ITPRIP: variants seen among roughly 807,000 people sequenced by gnomAD.
ITPRIP encodes inositol 1,4,5-trisphosphate receptor-interacting protein.
Under a neutral mutation model 35.8 loss-of-function variants are expected in ITPRIP, and 32 were observed. That is an observed-to-expected ratio of 0.89 (90% CI 0.68 to 1.20). The LOEUF (loss-of-function observed/expected upper bound fraction) is 1.20. ITPRIP is among the 50% of genes most tolerant of loss of function. ITPRIP has a pLI of 0.00. For synonymous variants in ITPRIP, 358 were observed against 324.0 expected, an observed-to-expected ratio of 1.11 and a Z score of -1.13; for missense variants, 653 against 735.6, an observed-to-expected ratio of 0.89 and a Z score of 1.30.
intron 1 of ITPRIP, among the ~76,000 whole-genome samples, chr10:104,329,078 C>G (rs2014096818): frequency 6.6e-6 from 1 of 151,896 alleles, no homozygotes; most frequent in Non-Finnish European, 1.5e-5. Flanking sequence ...TACACACATG[C>G]ACGCACACAC....
rs78990448 is a variant in ITPRIP, at chr10:104,318,385, C to T, written c.-13-2321G>A. Among the ~76,000 whole-genome samples the T allele has an allele frequency of 9.3e-3, 1,415 of 152,290 alleles. 11 individuals are homozygous for T. The highest frequency in any genetic ancestry group is 0.033 in the African/African-American group (1,353 of 41,560). ...TTGGGGGGTTTTAGGGTCCTTCAAGCTGCCTGGATCACAGGCAGCCACCTT... is the reference window on the plus strand; with the variant it reads ...TTGGGGGGTTTTAGGGTCCTTCAAGTTGCCTGGATCACAGGCAGCCACCTT... On this transcript the variant is annotated intron_variant, in intron 1 of 1. Coordinates refer to ENST00000337478, the MANE Select transcript of ITPRIP (RefSeq NM_001272013.2).
In ITPRIP at chr10:104,315,238, C is replaced by T. The variant is rs144656352; in HGVS notation, c.814G>A (p.Gly272Ser). 42 of 1,612,682 alleles carry T rather than the reference C, an allele frequency of 2.6e-5. No individual in the cohort carries two copies. The highest frequency in any genetic ancestry group is 5.3e-5 in the African/African-American group (4 of 74,884). Residue 272 changes from glycine (G) to serine (S), a missense_variant, in exon 2 of 2, where the codon GGC becomes AGC. Transcript: ENST00000337478. The surrounding 1 kb of genome is among the most constrained non-coding windows in gnomAD (Gnocchi z 5.7). ...CAGGGAGGCGCCATGCTGTTCCTGC[C>T]GTGCAGGAGACACAGCATGTCTTCC... is the stretch of plus-strand genomic sequence containing the variant. ...LGEDMLCLLHGRNSMAPPCGD... is the reference protein window; with the variant it reads ...LGEDMLCLLHSRNSMAPPCGD...
rs2014087333 is a variant in ITPRIP, at chr10:104,328,808, A to T, written c.-14+9438T>A. On this transcript the variant is annotated intron_variant, in intron 1 of 1. Transcript: ENST00000337478. This position sits in a 1 kb window ranked among gnomAD's most constrained non-coding sequence, Gnocchi z 4.1. Reference sequence around the variant, plus strand: ...GGATGAACCCCCCAAGGCCTTGTCCACGACCTCGGAAAGGCTTGTTCCCCA... The same window carrying T: ...GGATGAACCCCCCAAGGCCTTGTCCTCGACCTCGGAAAGGCTTGTTCCCCA... 1 of 152,154 alleles carries T rather than the reference A, an allele frequency of 6.6e-6. No homozygotes were observed. The highest frequency in any genetic ancestry group is 2.1e-4 in the South Asian group (1 of 4,840). 9.4% of individuals were successfully genotyped at this position (152,154 alleles called of 1,614,324 possible).
chr10:104,336,908 A>C (rs1282034972), intron 1 of ITPRIP, among the ~76,000 whole-genome samples: 1 of 152,252 alleles, frequency 6.6e-6, no homozygotes, highest in East Asian at 1.9e-4. Flanking sequence ...ACTTTATCTT[A>C]CGTAAAATGT....
chr10:104,317,351 A>G (rs913257801), intron 1 of ITPRIP, among the ~76,000 whole-genome samples: 5 of 152,220 alleles, frequency 3.3e-5, no homozygotes, highest in African/African-American at 1.2e-4. Context: ...AATTCGAAGT[A>G]TGATTCACGG....
Position 104,311,272 on chromosome 10 carries a change from A to G in ITPRIP, c.*3136T>C, listed in dbSNP as rs2013479160. 6.6e-6 allele frequency: 1 copy of G among 152,166 alleles called. No individual in the cohort carries two copies. The highest frequency in any genetic ancestry group is 2.1e-4 in the South Asian group (1 of 4,834). 9.4% of individuals were successfully genotyped at this position (152,166 alleles called of 1,614,324 possible). The stretch of plus-strand genomic sequence containing the variant: ...AGGCTCATTGGCTTTTCCCAGGTCT[A>G]TCTATCTTCCAATAGATCTGTAGGG... On this transcript the variant is annotated 3_prime_UTR_variant, in exon 2 of 2. Coordinates refer to ENST00000337478, the MANE Select transcript of ITPRIP (RefSeq NM_001272013.2).
intron 1 of ITPRIP, among the ~76,000 whole-genome samples, chr10:104,317,529 A>G (rs1005906500): frequency 6.6e-6 from 1 of 152,222 alleles, no homozygotes; most frequent in African/African-American, 2.4e-5. Context: ...CTCAGCAGGA[A>G]TCCTGGGACT....
chr10:104,310,622 T>C lies in ITPRIP; in HGVS notation c.*3786A>G, dbSNP rs966362257. The C allele has an allele frequency of 6.6e-6, 1 of 152,160 alleles. No homozygotes were observed. Among genetic ancestry groups the C allele is most frequent in the Non-Finnish European group, 1.5e-5 (1 of 68,032 alleles). 9.4% of individuals were successfully genotyped at this position (152,160 alleles called of 1,614,324 possible). On this transcript the variant is annotated 3_prime_UTR_variant, in exon 2 of 2. Coordinates refer to ENST00000337478, the MANE Select transcript of ITPRIP (RefSeq NM_001272013.2). ...ATCTGGAAAGCAGGGAGGATAAGAA[T>C]AGCACCTACATCATAGGACTGACAT...
Position 104,315,629 on chromosome 10 carries a change from C to G in ITPRIP, c.423G>C (p.Thr141=). 1 of 1,612,696 alleles carries G rather than the reference C, an allele frequency of 6.2e-7. No individual in the cohort carries two copies. Residue 141 remains threonine (T), a synonymous_variant, in exon 2 of 2, where the codon ACG becomes ACC. Coordinates refer to ENST00000337478, the MANE Select transcript of ITPRIP (RefSeq NM_001272013.2). This position sits in a 1 kb window ranked among gnomAD's most constrained non-coding sequence, Gnocchi z 5.7. The stretch of plus-strand genomic sequence containing the variant: ...TGCAGCGCTCATAAAAGTGGCCAAG[C>G]GTGGCCTTGTTGGGCAGGGTGAGGC... ...LQGLTLPNKA[T]LGHFYERCIR... is the part of the protein sequence containing the mutation.
chr10:104,323,823 C>T (rs2013917247), intron 1 of ITPRIP: 1 of 152,528 alleles, frequency 6.6e-6, no homozygotes. Context: ...GGGCCCTTCT[C>T]CAGGCACCTG....
Position 104,313,115 on chromosome 10 carries a change from G to C in ITPRIP, c.*1293C>G. 1.0e-6 allele frequency: 1 copy of C among 985,474 alleles called. No individual in the cohort carries two copies. Among genetic ancestry groups the C allele is most frequent in the South Asian group, 4.7e-5 (1 of 21,294 alleles). 61.0% of individuals were successfully genotyped at this position (985,474 alleles called of 1,614,324 possible). ...GGGTTCTGTGCAGTGAGGGAGCCCC[G>C]CTGGAGTGAGGAACTAGGGGCTCAG... On this transcript the variant is annotated 3_prime_UTR_variant, in exon 2 of 2. Transcript: ENST00000337478.
chr10:104,328,305 C>T lies in ITPRIP; in HGVS notation c.-14+9941G>A, dbSNP rs930936727. 8 of 985,212 alleles carry T rather than the reference C, an allele frequency of 8.1e-6. No individual in the cohort carries two copies. Among genetic ancestry groups the T allele is most frequent in the South Asian group, 4.7e-5 (1 of 21,294 alleles). 61.0% of individuals were successfully genotyped at this position (985,212 alleles called of 1,614,324 possible). On this transcript the variant is annotated intron_variant, in intron 1 of 1. Transcript: ENST00000337478. The surrounding 1 kb of genome is among the most constrained non-coding windows in gnomAD (Gnocchi z 4.1). ...TCCGAATTTCCCCTAGCCCTGTGGC[C>T]GCATCTCACCCACAAGGGTGCTGGT...
At position 104,315,099 on chromosome 10, in the gene ITPRIP, T is replaced by A; in HGVS notation, c.953A>T (p.Lys318Met). 3 of 1,614,158 alleles carry A rather than the reference T, an allele frequency of 1.9e-6. No individual in the cohort carries two copies. The South Asian group carries it at 3.3e-5, about 18-fold the overall frequency. ...GCCAAAGGCCAGGTCGAACTCGTAC[T>A]TGTGGGCGATGCCCTTCCAGGCTCT... Reference protein sequence around the residue: ...LTRAWKGIAHKYEFDLAFGQL... With the variant: ...LTRAWKGIAHMYEFDLAFGQL... Residue 318 changes from lysine to methionine, a missense_variant, in exon 2 of 2, where the codon AAG becomes ATG. Coordinates refer to ENST00000337478, the MANE Select transcript of ITPRIP (RefSeq NM_001272013.2). The surrounding 1 kb of genome is among the most constrained non-coding windows in gnomAD (Gnocchi z 5.7).
At chr10:104,319,057 G>T (rs1482407519) in intron 1 of ITPRIP, among the ~76,000 whole-genome samples, 1 of 152,232 alleles carries the variant, frequency 6.6e-6, no homozygotes, top group Non-Finnish European at 1.5e-5. Flanking sequence ...CTCAACAGAA[G>T]CACCAGGGAA....
intron 1 of ITPRIP, among the ~76,000 whole-genome samples, chr10:104,330,500 A>G (rs962321634): frequency 6.6e-6 from 1 of 152,152 alleles, no homozygotes; most frequent in Admixed American, 6.5e-5. Context: ...CCAGGAATGA[A>G]CCCTGACACG....
chr10:104,336,462 A>G (rs2014234653), intron 1 of ITPRIP, among the ~76,000 whole-genome samples: 1 of 142,500 alleles, frequency 7.0e-6, no homozygotes, highest in Non-Finnish European at 1.5e-5. Context: ...TTGGACTCTG[A>G]AAGCACCTTC....
In ITPRIP at chr10:104,314,653, T is replaced by C. The variant is rs2013584955; in HGVS notation, c.1399A>G (p.Lys467Glu). The C allele has an allele frequency of 6.2e-7, 1 of 1,613,994 alleles. No individual in the cohort carries two copies. Among genetic ancestry groups the C allele is most frequent in the African/African-American group, 1.3e-5 (1 of 75,048 alleles). The change falls in exon 2 of 2, where the codon AAG becomes GAG. Residue 467 changes from lysine (K) to glutamate (E), a missense_variant. Physicochemically the swap from Lys to Glu is moderately conservative, Grantham distance 56 (BLOSUM62 1). Coordinates refer to ENST00000337478, the MANE Select transcript of ITPRIP (RefSeq NM_001272013.2). ...RLHELLCFLEKSLLQKKLHHF... is the reference protein window; with the variant it reads ...RLHELLCFLEESLLQKKLHHF... ...TGGAGCTTCTTCTGGAGCAAGCTCT[T>C]CTCCAGGAAGCACAGCAACTCGTGC... is the stretch of plus-strand genomic sequence containing the variant.
At chr10:104,317,434 C>A (rs1043094078) in intron 1 of ITPRIP, among the ~76,000 whole-genome samples, 3 of 152,158 alleles carry the variant, frequency 2.0e-5, no homozygotes, top group Non-Finnish European at 2.9e-5. Context: ...CTTACTGAAT[C>A]GGAATCCACA....
At position 104,333,123 on chromosome 10, in the gene ITPRIP, C is replaced by G. The variant is rs893327723; in HGVS notation, c.-14+5123G>C. 2.0e-5 allele frequency among the ~76,000 whole-genome samples: 3 copies of G among 152,210 alleles called. No homozygotes were observed. Among genetic ancestry groups the G allele is most frequent in the African/African-American group, 7.2e-5 (3 of 41,440 alleles). On this transcript the variant is annotated intron_variant, in intron 1 of 1. Transcript: ENST00000337478. This position sits in a 1 kb window ranked among gnomAD's most constrained non-coding sequence, Gnocchi z 4.1. ...CTGCTCCAGCCTGCCCTTCCCCTAA[C>G]CCTCCTTACAGATCCAGGCTGCAGG...
Sources: gnomAD v4.1 joint callset for allele counts (sites outside exome capture counted in the v4.1 genomes callset) on GRCh38, gnomAD v4.1.1 for gene constraint, Gnocchi (gnomAD v3.1) non-coding constraint, MANE v1.5 for transcripts, NCBI Gene and HGNC (gene_info 2026-07-23, HGNC 2026-07-21) for gene names.